CCDC192: variants seen among roughly 807,000 people sequenced by gnomAD.
CCDC192 encodes the protein coiled-coil domain containing 192.
chr5:127,828,926 G>A (rs1414762099), intron 5 of CCDC192, among the ~76,000 whole-genome samples: 1 of 152,208 alleles, frequency 6.6e-6, no homozygotes, highest in African/African-American at 2.4e-5. Context: ...TATAGAAACA[G>A]ACTGGGAGCA....
chr5:127,883,629 G>A (rs1189799129), intron 6 of CCDC192, among the ~76,000 whole-genome samples: 1 of 152,220 alleles, frequency 6.6e-6, no homozygotes, highest in East Asian at 1.9e-4. Context: ...ATAAGCATCT[G>A]TTTCAGGAGT....
At chr5:127,765,269 G>A (rs530774162) in intron 3 of CCDC192, among the ~76,000 whole-genome samples, 3 of 152,320 alleles carry the variant, frequency 2.0e-5, no homozygotes, top group African/African-American at 4.8e-5. Flanking sequence ...TGCAGAAGCA[G>A]ATATGAAAGT....
intron 5 of CCDC192, among the ~76,000 whole-genome samples, chr5:127,815,085 A>G (rs1193635495): frequency 2.0e-5 from 3 of 152,170 alleles, no homozygotes; most frequent in Non-Finnish European, 4.4e-5. Context: ...GTGTAGCCTT[A>G]AAAATGCTCA....
chr5:127,724,784 G>T (rs1752219742), intron 2 of CCDC192, among the ~76,000 whole-genome samples: 1 of 151,080 alleles, frequency 6.6e-6, no homozygotes, highest in African/African-American at 2.4e-5. Flanking sequence ...GGGAGGCGGA[G>T]GTTGCAGTGA....
intron 5 of CCDC192, among the ~76,000 whole-genome samples, chr5:127,858,937 TAA>T (rs11313451): frequency 1.3e-5 from 2 of 151,624 alleles, no homozygotes; most frequent in East Asian, 1.9e-4. Context: ...TGTGTGCTTA[TAA>T]AAAAAAACAC....
At chr5:127,777,233 A>G (rs1032725980) in intron 3 of CCDC192, among the ~76,000 whole-genome samples, 4 of 152,246 alleles carry the variant, frequency 2.6e-5, no homozygotes, top group Non-Finnish European at 5.9e-5. Flanking sequence ...CTCTTTCATT[A>G]GCATGACCTG....
rs1463760031 is a variant in CCDC192, at chr5:127,732,178, CA to C, written c.115-22086del. On this transcript the variant is annotated intron_variant, in intron 2 of 6. Coordinates refer to ENST00000514853, the MANE Select transcript of CCDC192 (RefSeq NM_001317938.2). ...GAAAAAAAAACCATTAAAAAGTGGG[CA>C]AAAGACATGAACAGACACTTCTCAA... is the stretch of plus-strand genomic sequence containing the variant. 2.0e-5 allele frequency among the ~76,000 whole-genome samples: 3 copies of C among 151,724 alleles called. No homozygotes were observed. In the East Asian group the frequency reaches 5.8e-4, roughly 29 times the overall value.
At chr5:127,909,575 A>G (rs1412967999) in intron 6 of CCDC192, among the ~76,000 whole-genome samples, 3 of 152,134 alleles carry the variant, frequency 2.0e-5, no homozygotes, top group Non-Finnish European at 4.4e-5. Flanking sequence ...AATAGTTCCA[A>G]TATCAACAGC....
chr5:127,867,343 A>G (rs1751654802), intron 5 of CCDC192, among the ~76,000 whole-genome samples: 2 of 152,276 alleles, frequency 1.3e-5, no homozygotes, highest in South Asian at 2.1e-4. Flanking sequence ...TTATAAAGTT[A>G]TTGCTCTTCA....
At chr5:127,759,141 C>G (rs1190726197) in intron 3 of CCDC192, among the ~76,000 whole-genome samples, 1 of 152,136 alleles carries the variant, frequency 6.6e-6, no homozygotes, top group Admixed American at 6.5e-5. Context: ...CTTTGTCTCC[C>G]CAGCTACAGT....
In CCDC192 at chr5:127,713,600, C is replaced by T. The variant is rs535971427; in HGVS notation, c.114+5840C>T. On this transcript the variant is annotated intron_variant, in intron 2 of 6. Coordinates refer to ENST00000514853, the MANE Select transcript of CCDC192 (RefSeq NM_001317938.2). ...TATCAATTTGTATTTTCATGGACCACGCTTTGACATCTGATCTAAAAAAAT... is the reference window on the plus strand; with the variant it reads ...TATCAATTTGTATTTTCATGGACCATGCTTTGACATCTGATCTAAAAAAAT... Among the ~76,000 whole-genome samples, 33 of 152,226 alleles carry T rather than the reference C, an allele frequency of 2.2e-4. No homozygotes were observed. The South Asian group carries it at 6.2e-3, about 29-fold the overall frequency.
At chr5:127,770,791 A>C (rs1222516230) in intron 3 of CCDC192, among the ~76,000 whole-genome samples, 1 of 152,222 alleles carries the variant, frequency 6.6e-6, no homozygotes, top group Non-Finnish European at 1.5e-5. Context: ...AACATAGAAT[A>C]GATGCATTAT....
At chr5:127,736,323 C>T (rs1752986181) in intron 2 of CCDC192, among the ~76,000 whole-genome samples, 2 of 144,092 alleles carry the variant, frequency 1.4e-5, no homozygotes, top group Admixed American at 7.0e-5. Context: ...CTGCTGGATT[C>T]GTTTTGCCAG....
At chr5:127,834,191 A>G (rs1173629282) in intron 5 of CCDC192, among the ~76,000 whole-genome samples, 1 of 152,136 alleles carries the variant, frequency 6.6e-6, no homozygotes, top group Non-Finnish European at 1.5e-5. Flanking sequence ...AATCTACAAA[A>G]CAGATTACTG....
chr5:127,734,475 A>C (rs1325267589), intron 2 of CCDC192, among the ~76,000 whole-genome samples: 1 of 148,826 alleles, frequency 6.7e-6, no homozygotes, highest in Non-Finnish European at 1.5e-5. Flanking sequence ...TGGTATTTCC[A>C]GTTCTAGATC....
intron 5 of CCDC192, among the ~76,000 whole-genome samples, chr5:127,862,058 G>A (rs967108770): frequency 6.6e-6 from 1 of 152,202 alleles, no homozygotes; most frequent in African/African-American, 2.4e-5. Flanking sequence ...GACAGAGGGA[G>A]TGCTGGAGCA....
At chr5:127,799,917 G>A (rs1616107) in intron 5 of CCDC192, among the ~76,000 whole-genome samples, 118,316 of 152,074 alleles carry the variant, frequency 0.78, 46,152 homozygotes, top group East Asian at 0.9. Context: ...CAGTATTAAC[G>A]ATAGTATTTA....
chr5:127,884,631 T>C (rs539671659), intron 6 of CCDC192, among the ~76,000 whole-genome samples: 1 of 152,236 alleles, frequency 6.6e-6, no homozygotes, highest in Non-Finnish European at 1.5e-5. Context: ...TGGGATATTA[T>C]CCTGGACCAC....
intron 6 of CCDC192, among the ~76,000 whole-genome samples, chr5:127,909,450 C>T (rs1215687364): frequency 6.6e-6 from 1 of 151,818 alleles, no homozygotes; most frequent in South Asian, 2.1e-4. Context: ...TTTAGATAAA[C>T]GTGTTCTTCA....
Sources: gnomAD v4.1 joint callset for allele counts (sites outside exome capture counted in the v4.1 genomes callset) on GRCh38, gnomAD v4.1.1 for gene constraint, MANE v1.5 for transcripts, NCBI Gene and HGNC (gene_info 2026-07-23, HGNC 2026-07-21) for gene names.